STK3: variants seen among roughly 807,000 people sequenced by gnomAD.
STK3 encodes the protein serine/threonine-protein kinase 3.
In STK3, 41 loss-of-function variants were observed where a neutral mutation model predicts 58.0. The ratio of observed to expected loss-of-function variants is 0.71; its 90% CI spans 0.55 to 0.92. The LOEUF is 0.92. Ranked by LOEUF, STK3 falls within the 40% of genes least tolerant of loss-of-function variation. The probability of loss-of-function intolerance (pLI) is 0.00; values close to 1 mark genes in which losing one functional copy is unlikely to be tolerated. For missense variants in STK3, 479 were observed against 602.7 expected (o/e 0.79, Z 2.15); for synonymous variants, 170 against 191.0 (o/e 0.89, Z 0.91).
chr8:98,861,689 G>A (rs371003013), intron 3 of STK3, among the ~76,000 whole-genome samples: 2 of 152,260 alleles, frequency 1.3e-5, no homozygotes, highest in African/African-American at 4.8e-5. Flanking sequence ...TCTCTGTTAC[G>A]AGAGAATGGC....
chr8:98,610,611 G>A (rs1309999631), intron 6 of STK3, among the ~76,000 whole-genome samples: 1 of 152,130 alleles, frequency 6.6e-6, no homozygotes, highest in Non-Finnish European at 1.5e-5. Flanking sequence ...CACTAGCCTG[G>A]TGCAGTCTGT....
chr8:98,504,131 T>C (rs1029195938), intron 10 of STK3, among the ~76,000 whole-genome samples: 3 of 150,956 alleles, frequency 2.0e-5, no homozygotes, highest in Non-Finnish European at 3.0e-5. Context: ...TTGATCCCTT[T>C]ACCATTATGT....
intron 1 of STK3, among the ~76,000 whole-genome samples, chr8:98,902,554 C>G (rs1838697417): frequency 6.6e-6 from 1 of 152,194 alleles, no homozygotes; most frequent in African/African-American, 2.4e-5. Context: ...TCCAGTTGAT[C>G]ACAAATCTCT....
chr8:98,722,432 A>G (rs1827498229), intron 4 of STK3, among the ~76,000 whole-genome samples: 1 of 152,196 alleles, frequency 6.6e-6, no homozygotes, highest in African/African-American at 2.4e-5. Flanking sequence ...TCACTAATGG[A>G]AAAGGAGGAG....
At chr8:98,932,996 C>T (rs1004517148) in intron 1 of STK3, among the ~76,000 whole-genome samples, 2 of 152,170 alleles carry the variant, frequency 1.3e-5, no homozygotes, top group African/African-American at 2.4e-5. Context: ...TCCTCCTGAG[C>T]CTCTGTGGCC....
rs1825348123 is a variant in STK3, at chr8:98,699,541, G to A, written c.684+6926C>T. ...ATGGTGATGTACAGATGGGTTTTTG[G>A]TGTGGATGTCCTTTCTGTTTGTTAG... On this transcript the variant is annotated intron_variant, in intron 6 of 10. Transcript: ENST00000419617. Among the ~76,000 whole-genome samples, 3 of 151,932 alleles carry A rather than the reference G, an allele frequency of 2.0e-5. No homozygotes were observed. The South Asian group carries it at 6.2e-4, about 32-fold the overall frequency.
At chr8:98,518,590 T>A (rs1825120504) in intron 10 of STK3, among the ~76,000 whole-genome samples, 1 of 152,060 alleles carries the variant, frequency 6.6e-6, no homozygotes, top group African/African-American at 2.4e-5. Flanking sequence ...TTGAAGCAGG[T>A]CACTTTCCTT....
chr8:98,772,768 C>T (rs1401258694), intron 2 of STK3, among the ~76,000 whole-genome samples: 1 of 152,130 alleles, frequency 6.6e-6, no homozygotes, highest in East Asian at 1.9e-4. Flanking sequence ...CCTGCTCTCA[C>T]CATGTGAGAC....
At chr8:98,569,289 A>G (rs930424640) in intron 8 of STK3, among the ~76,000 whole-genome samples, 11 of 152,170 alleles carry the variant, frequency 7.2e-5, no homozygotes, top group African/African-American at 2.2e-4. Flanking sequence ...GAGATATGAT[A>G]CATAAAAATA....
chr8:98,601,924 T>C (rs1249949314), intron 6 of STK3, among the ~76,000 whole-genome samples: 1 of 152,202 alleles, frequency 6.6e-6, no homozygotes, highest in African/African-American at 2.4e-5. Flanking sequence ...AGTTCAGCAC[T>C]TGTAGAACTT....
intron 3 of STK3, among the ~76,000 whole-genome samples, chr8:98,837,363 C>CA (rs533620773): frequency 0.023 from 1,425 of 62,608 alleles, 12 homozygotes; most frequent in Non-Finnish European, 0.029. Context: ...TGGAGCTCAG[C>CA]AAAAAAAAAA....
At chr8:98,741,663 C>T (rs1412478235) in intron 4 of STK3, among the ~76,000 whole-genome samples, 2 of 152,132 alleles carry the variant, frequency 1.3e-5, no homozygotes, top group African/African-American at 4.8e-5. Flanking sequence ...AAAATTGACA[C>T]CCTAACATCA....
At chr8:98,936,551 C>T (rs903648133) in intron 1 of STK3, among the ~76,000 whole-genome samples, 3 of 152,166 alleles carry the variant, frequency 2.0e-5, no homozygotes, top group Admixed American at 6.5e-5. Flanking sequence ...AAACCAATGC[C>T]CTTAATATAT....
chr8:98,840,622 T>C (rs1201276730), intron 3 of STK3, among the ~76,000 whole-genome samples: 2 of 119,808 alleles, frequency 1.7e-5, no homozygotes, highest in African/African-American at 6.3e-5. Flanking sequence ...TATATATATA[T>C]ATATATACAC....
At chr8:98,446,036 C>A (rs902303892) in intron 1 of STK3, among the ~76,000 whole-genome samples, 1 of 152,204 alleles carries the variant, frequency 6.6e-6, no homozygotes, top group Admixed American at 6.5e-5. Context: ...GACAAACTAC[C>A]CTCACTGCTT....
chr8:98,843,914 G>A (rs1484897292), intron 3 of STK3, among the ~76,000 whole-genome samples: 8 of 152,190 alleles, frequency 5.3e-5, no homozygotes, highest in East Asian at 3.8e-4. Flanking sequence ...CTACTCCAGC[G>A]CTTTGGGAGG....
At chr8:98,684,944 C>T (rs1563887100) in intron 6 of STK3, among the ~76,000 whole-genome samples, 1 of 152,088 alleles carries the variant, frequency 6.6e-6, no homozygotes, top group Non-Finnish European at 1.5e-5. Flanking sequence ...AGTATGGTTT[C>T]ATGTATATTT....
At chr8:98,839,021 CTT>C (rs1168629022) in intron 3 of STK3, among the ~76,000 whole-genome samples, 1 of 146,528 alleles carries the variant, frequency 6.8e-6, no homozygotes, top group Admixed American at 7.1e-5. Flanking sequence ...TGTGTGTGCG[CTT>C]GTGGCTTTTT....
chr8:98,445,741 C>A (rs1413406764), intron 1 of STK3, among the ~76,000 whole-genome samples: 2 of 152,196 alleles, frequency 1.3e-5, no homozygotes, highest in African/African-American at 4.8e-5. Flanking sequence ...AAACCTGTCT[C>A]CTCAGAAGCT....
Sources: gnomAD v4.1 joint callset for allele counts (sites outside exome capture counted in the v4.1 genomes callset) on GRCh38, gnomAD v4.1.1 for gene constraint, MANE v1.5 for transcripts, NCBI Gene and HGNC (gene_info 2026-07-23, HGNC 2026-07-21) for gene names.